Variants in ITPKB observed in about 807,000 individuals in gnomAD.
ITPKB encodes the protein IP3 3-kinase B.
In ITPKB, 13 loss-of-function variants were observed where a neutral mutation model predicts 69.4. That is an observed-to-expected ratio of 0.19 (90% CI 0.12 to 0.30). The LOEUF is 0.30. Among genes scored for constraint, ITPKB ranks in the 10% least tolerant of loss-of-function variants. ITPKB has a pLI of 1.00. For missense variants in ITPKB, 1,240 were observed against 1,250.5 expected, an observed-to-expected ratio of 0.99 and a Z score of 0.13; for synonymous variants, 584 against 513.7, an observed-to-expected ratio of 1.14 and a Z score of -1.85.
At chr1:226,677,924 T>C (rs1371365194) in intron 2 of ITPKB, among the ~76,000 whole-genome samples, 3 of 152,186 alleles carry the variant, frequency 2.0e-5, no homozygotes, top group Non-Finnish European at 4.4e-5. Context: ...GACGAGGAGC[T>C]TCACCTTCAT....
chr1:226,674,705 C>CT (rs1396036594), intron 2 of ITPKB, among the ~76,000 whole-genome samples: 3 of 152,078 alleles, frequency 2.0e-5, no homozygotes, highest in Non-Finnish European at 4.4e-5. Context: ...TTTACTCACC[C>CT]TTTCCTGACC....
At chr1:226,707,722 T>C (rs538906138) in intron 2 of ITPKB, 3 of 1,046,484 alleles carry the variant, frequency 2.9e-6, no homozygotes, top group Non-Finnish European at 3.5e-6. Context: ...CAAGGGACAG[T>C]AAGACAATAT....
At chr1:226,731,813 C>T (rs1005643289) in intron 2 of ITPKB, among the ~76,000 whole-genome samples, 16 of 152,058 alleles carry the variant, frequency 1.1e-4, no homozygotes, top group African/African-American at 3.4e-4. Flanking sequence ...AGAAGGGTAC[C>T]CCATCTTCAG....
At chr1:226,667,122 C>A (rs1669517585) in intron 2 of ITPKB, among the ~76,000 whole-genome samples, 1 of 152,168 alleles carries the variant, frequency 6.6e-6, no homozygotes, top group Non-Finnish European at 1.5e-5. Context: ...AAAGGCTAAT[C>A]GCTTCTCCCC....
At position 226,704,153 on chromosome 1, in the gene ITPKB, G is replaced by A. The variant is rs774682584; in HGVS notation, c.1932+31374C>T. Among the ~76,000 whole-genome samples the A allele has an allele frequency of 2.6e-5, 4 of 152,040 alleles. No homozygotes were observed. In the East Asian group the frequency reaches 7.7e-4, roughly 29 times the overall value. On this transcript the variant is annotated intron_variant, in intron 2 of 7. Transcript: ENST00000429204. ...ATTTTTGATAATTCAATCTTAAGCC[G>A]AATTCCGTTTACCTTTACAGTATGA...
chr1:226,736,434 A>T lies in ITPKB; in HGVS notation c.1025T>A (p.Leu342Gln), dbSNP rs1343168085. 6.2e-7 allele frequency: 1 copy of T among 1,613,230 alleles called. No individual in the cohort carries two copies. The highest frequency in any genetic ancestry group is 1.1e-5 in the South Asian group (1 of 91,070). The change falls in exon 2 of 8, where the codon CTG becomes CAG. Residue 342 changes from leucine (L) to glutamine (Q), a missense_variant. Leu to Gln is a moderately radical substitution (Grantham distance 113). Transcript: ENST00000429204. ...CAGAAACTGCCCCTGCCTCTCCACC[A>T]GGGCCTCTGGGGGCTGCAGGTCCTC... Reference protein sequence around the residue: ...ELEDLQPPEALVERQGQFLGS... With the variant: ...ELEDLQPPEAQVERQGQFLGS...
At chr1:226,698,652 AG>A (rs1453289345) in intron 2 of ITPKB, among the ~76,000 whole-genome samples, 1 of 152,240 alleles carries the variant, frequency 6.6e-6, no homozygotes, top group African/African-American at 2.4e-5. Context: ...CTATTGGCAG[AG>A]GTCAGACTAG....
intron 2 of ITPKB, among the ~76,000 whole-genome samples, chr1:226,719,622 C>A (rs994948103): frequency 6.6e-6 from 1 of 152,238 alleles, no homozygotes; most frequent in Non-Finnish European, 1.5e-5. Flanking sequence ...TAACTCAACT[C>A]GATTGCATTC....
chr1:226,730,201 C>T (rs531136534), intron 2 of ITPKB, among the ~76,000 whole-genome samples: 3 of 152,262 alleles, frequency 2.0e-5, no homozygotes, highest in Admixed American at 2.0e-4. Flanking sequence ...TGGACCAGAC[C>T]CATGGGTCTG....
intron 2 of ITPKB, among the ~76,000 whole-genome samples, chr1:226,671,973 G>C (rs1669626945): frequency 6.6e-6 from 1 of 152,194 alleles, no homozygotes; most frequent in Non-Finnish European, 1.5e-5. Context: ...TGAGTGAGGA[G>C]TGTCATAGTC....
chr1:226,701,925 G>C (rs930921142), intron 2 of ITPKB, among the ~76,000 whole-genome samples: 1 of 152,036 alleles, frequency 6.6e-6, no homozygotes, highest in East Asian at 1.9e-4. Flanking sequence ...GCTCATTCAC[G>C]GCTCCCTTAA....
At chr1:226,666,627 G>T (rs1669508903) in intron 2 of ITPKB, among the ~76,000 whole-genome samples, 1 of 152,114 alleles carries the variant, frequency 6.6e-6, no homozygotes, top group African/African-American at 2.4e-5. Context: ...AATCACTAAA[G>T]TTCCTAATTT....
intron 3 of ITPKB, among the ~76,000 whole-genome samples, chr1:226,648,149 C>CA (rs1283792159): frequency 1.3e-5 from 2 of 152,234 alleles, no homozygotes; most frequent in African/African-American, 4.8e-5. Context: ...CCCAACACCG[C>CA]ACACCGCCCT....
At chr1:226,653,675 CA>C (rs1385013329) in intron 2 of ITPKB, among the ~76,000 whole-genome samples, 1 of 152,244 alleles carries the variant, frequency 6.6e-6, no homozygotes, top group East Asian at 1.9e-4. Context: ...GAAAGCACCA[CA>C]ACGCAGGGGT....
intron 2 of ITPKB, among the ~76,000 whole-genome samples, chr1:226,712,487 C>T (rs1656986545): frequency 6.6e-6 from 1 of 152,226 alleles, no homozygotes; most frequent in Non-Finnish European, 1.5e-5. Context: ...ATTCCCAGAG[C>T]CTGGGCACTT....
At position 226,647,046 on chromosome 1, in the gene ITPKB, C is replaced by A. The variant is rs1669076659; in HGVS notation, c.2246+121G>T. 5.1e-6 allele frequency: 4 copies of A among 788,628 alleles called. No individual in the cohort carries two copies. The East Asian group carries it at 8.0e-5, about 16-fold the overall frequency. The allele number at this position is 788,628 out of a possible 1,614,324, so 48.9% of individuals were successfully genotyped here. A position where few individuals can be genotyped will look rare whatever the true frequency, so the allele number is the denominator to read the frequency against. ...GATGGGGAGGCTCTAATTGGTCCAACAGCCTCCTCAGCCTGCCCTTGCACC... is the reference window on the plus strand; with the variant it reads ...GATGGGGAGGCTCTAATTGGTCCAAAAGCCTCCTCAGCCTGCCCTTGCACC... On this transcript the variant is annotated intron_variant, in intron 4 of 7. Transcript: ENST00000429204.
chr1:226,710,848 G>C (rs1656930024), intron 2 of ITPKB, among the ~76,000 whole-genome samples: 1 of 152,204 alleles, frequency 6.6e-6, no homozygotes, highest in East Asian at 1.9e-4. Flanking sequence ...AGTTGCCAGG[G>C]GTGGGGAGAA....
Position 226,735,803 on chromosome 1 carries a change from C to T in ITPKB, c.1656G>A (p.Pro552=), listed in dbSNP as rs759928744. ...LPSPELLPQD[P]DKPFLRKACS... ...AGGCCTTCCTCAGGAAAGGCTTGTCCGGATCTTGGGGTAGCAGCTCCGGAC... is the reference window on the plus strand; with the variant it reads ...AGGCCTTCCTCAGGAAAGGCTTGTCTGGATCTTGGGGTAGCAGCTCCGGAC... Residue 552 remains proline, a synonymous_variant, in exon 2 of 8, where the codon CCG becomes CCA. Coordinates refer to ENST00000429204, the MANE Select transcript of ITPKB (RefSeq NM_002221.4). 3.1e-6 allele frequency: 5 copies of T among 1,608,444 alleles called. No homozygotes were observed. The highest frequency in any genetic ancestry group is 2.2e-5 in the East Asian group (1 of 44,660).
At position 226,736,467 on chromosome 1, in the gene ITPKB, C is replaced by A; in HGVS notation, c.992G>T (p.Arg331Leu). ...TGGGGGCTGCAGGTCCTCAAGCTCA[C>A]GGGCTCTCCCAGACGGCTCAGTGAG... ...LALTEPSGRA[R>L]ELEDLQPPEA... The change falls in exon 2 of 8, where the codon CGT becomes CTT. Residue 331 changes from arginine (R) to leucine (L), a missense_variant. Arg to Leu is a moderately radical substitution (Grantham distance 102, BLOSUM62 -2). Transcript: ENST00000429204. 3 of 1,613,808 alleles carry A rather than the reference C, an allele frequency of 1.9e-6. No individual in the cohort carries two copies. The highest frequency in any genetic ancestry group is 2.5e-6 in the Non-Finnish European group (3 of 1,180,034).
Sources: allele counts gnomAD v4.1 joint callset (sites outside exome capture counted in the v4.1 genomes callset), GRCh38; gene constraint gnomAD v4.1.1; transcripts MANE v1.5; gene names NCBI Gene and HGNC (gene_info 2026-07-23, HGNC 2026-07-21).